The following UNCX variants were observed in gnomAD, a reference collection of about 807,000 sequenced individuals.
UNCX encodes homeobox protein unc-4 homolog.
In UNCX, 4 loss-of-function variants were observed where a neutral mutation model predicts 14.8. That is an observed-to-expected ratio of 0.27 (90% CI 0.13 to 0.62). The LOEUF (loss-of-function observed/expected upper bound fraction) is 0.62, where lower values mean the gene tolerates loss of function less well. Ranked by LOEUF, UNCX falls within the 20% of genes least tolerant of loss-of-function variation. The pLI is 0.86. For synonymous variants in UNCX, 459 were observed against 395.8 expected (o/e 1.16, Z -1.90); for missense variants, 749 against 786.8 (o/e 0.95, Z 0.58).
Position 1,237,160 on chromosome 7 carries a change from G to C in UNCX, c.*183G>C, listed in dbSNP as rs1169926420. The stretch of plus-strand genomic sequence containing the variant: ...TGCTGTATGAATTCGGACCCAGGCA[G>C]CAACCACAGGACTGGGGGTGAGACC... On this transcript the variant is annotated 3_prime_UTR_variant, in exon 3 of 3. Transcript: ENST00000316333. This position sits in a 1 kb window ranked among gnomAD's most constrained non-coding sequence, Gnocchi z 5.8. 2.3e-6 allele frequency: 1 copy of C among 435,926 alleles called. No homozygotes were observed. The highest frequency in any genetic ancestry group is 2.1e-5 in the African/African-American group (1 of 46,998). The allele number at this position is 435,926 out of a possible 1,614,324, so 27.0% of individuals were successfully genotyped here. A position where few individuals can be genotyped will look rare whatever the true frequency, so the allele number is the denominator to read the frequency against.
chr7:1,237,108 A>AT lies in UNCX; in HGVS notation c.*133dup. ...TCTTTTCTTTTGTTTTCTTTCTTTT[A>AT]TTATTTTTTTTAAGAGTAAACGAAA... On this transcript the variant is annotated 3_prime_UTR_variant, in exon 3 of 3. Transcript: ENST00000316333. This position sits in a 1 kb window ranked among gnomAD's most constrained non-coding sequence, Gnocchi z 5.8. The AT allele has an allele frequency of 1.1e-6, 1 of 888,174 alleles. No individual in the cohort carries two copies. Among genetic ancestry groups the AT allele is most frequent in the African/African-American group, 1.8e-5 (1 of 55,484 alleles). The allele number at this position is 888,174 out of a possible 1,614,324, so 55.0% of individuals were successfully genotyped here.
rs1318376866 is a variant in UNCX, at chr7:1,236,434, C to T, written c.1053C>T (p.Ala351=). 2 of 1,355,438 alleles carry T rather than the reference C, an allele frequency of 1.5e-6. No homozygotes were observed. Among genetic ancestry groups the T allele is most frequent in the Non-Finnish European group, 1.9e-6 (2 of 1,053,322 alleles). The allele number at this position is 1,355,438 out of a possible 1,614,324, so 84.0% of individuals were successfully genotyped here. A position where few individuals can be genotyped will look rare whatever the true frequency, so the allele number is the denominator to read the frequency against. The change falls in exon 3 of 3, where the codon GCC becomes GCT. Residue 351 remains alanine (A), a synonymous_variant. Coordinates refer to ENST00000316333, the MANE Select transcript of UNCX (RefSeq NM_001080461.3). The surrounding 1 kb of genome is among the most constrained non-coding windows in gnomAD (Gnocchi z 6.9). ...SPPRRKAASN[A]AAAAAAGLDF... Reference sequence around the variant, plus strand: ...CGCGCCGGAAAGCCGCTTCCAACGCCGCCGCCGCCGCCGCCGCGGGGCTGG... The same window carrying T: ...CGCGCCGGAAAGCCGCTTCCAACGCTGCCGCCGCCGCCGCCGCGGGGCTGG...
chr7:1,236,200 C>A lies in UNCX; in HGVS notation c.819C>A (p.Gly273=), dbSNP rs774643621. ...GAAGTAPAPP[G]EPPAPGTCDP... is the part of the protein sequence containing the mutation. Reference sequence around the variant, plus strand: ...CGGGGACCGCGCCCGCCCCTCCCGGCGAGCCGCCTGCACCCGGCACCTGCG... The same window carrying A: ...CGGGGACCGCGCCCGCCCCTCCCGGAGAGCCGCCTGCACCCGGCACCTGCG... The change falls in exon 3 of 3, where the codon GGC becomes GGA. Residue 273 remains glycine (G), a synonymous_variant. Transcript: ENST00000316333. This position sits in a 1 kb window ranked among gnomAD's most constrained non-coding sequence, Gnocchi z 6.9. 173 of 1,311,344 alleles carry A rather than the reference C, an allele frequency of 1.3e-4. No homozygotes were observed. Among genetic ancestry groups the A allele is most frequent in the Non-Finnish European group, 1.6e-4 (163 of 1,018,474 alleles). The allele number at this position is 1,311,344 out of a possible 1,614,324, so 81.2% of individuals were successfully genotyped here.
At chr7:1,234,956 G>A (rs1778711139) in intron 2 of UNCX, among the ~76,000 whole-genome samples, 4 of 152,126 alleles carry the variant, frequency 2.6e-5, no homozygotes, top group Admixed American at 2.6e-4. Flanking sequence ...GAGCTTCCGC[G>A]GGGCTCAGAC....
In UNCX at chr7:1,233,351, G is replaced by T; in HGVS notation, c.274+60G>T. The T allele has an allele frequency of 7.5e-7, 1 of 1,338,282 alleles. No homozygotes were observed. Among genetic ancestry groups the T allele is most frequent in the Non-Finnish European group, 9.5e-7 (1 of 1,051,824 alleles). 82.9% of individuals were successfully genotyped at this position (1,338,282 alleles called of 1,614,324 possible). On this transcript the variant is annotated intron_variant, in intron 1 of 2. Transcript: ENST00000316333. The surrounding 1 kb of genome is among the most constrained non-coding windows in gnomAD (Gnocchi z 5.3). ...CGGCTGGGGGCGGGGGCCCTGGTCC[G>T]GCCGAGGCGCTGGGGGGCCCGGGGC...
In UNCX at chr7:1,236,045, C is replaced by T. The variant is rs775651723; in HGVS notation, c.664C>T (p.Pro222Ser). ...GAGCCAGGGCCGCCACTTGCACTCG[C>T]CCGGCGGCCTGTCCCTGCACAGCGC... ...LKSQGRHLHS[P>S]GGLSLHSAPS... Residue 222 changes from proline to serine, a missense_variant, in exon 3 of 3, where the codon CCC (proline) becomes TCC (serine). Physicochemically the swap from Pro to Ser is moderately conservative, Grantham distance 74. Transcript: ENST00000316333. This position sits in a 1 kb window ranked among gnomAD's most constrained non-coding sequence, Gnocchi z 6.9. The T allele has an allele frequency of 9.4e-6, 15 of 1,602,768 alleles. No individual in the cohort carries two copies. Among genetic ancestry groups the T allele is most frequent in the South Asian group, 6.7e-5 (6 of 89,876 alleles).
chr7:1,236,071 G>A lies in UNCX; in HGVS notation c.690G>A (p.Ala230=). The part of the protein sequence containing the change: ...HSPGGLSLHS[A]PSSDSDSGGG... ...CCGGCGGCCTGTCCCTGCACAGCGC[G>A]CCCAGCTCCGACAGCGACAGCGGCG... The change falls in exon 3 of 3, where the codon GCG becomes GCA. Residue 230 remains alanine, a synonymous_variant. Coordinates refer to ENST00000316333, the MANE Select transcript of UNCX (RefSeq NM_001080461.3). This position sits in a 1 kb window ranked among gnomAD's most constrained non-coding sequence, Gnocchi z 6.9. 4 of 1,579,328 alleles carry A rather than the reference G, an allele frequency of 2.5e-6. No individual in the cohort carries two copies. The highest frequency in any genetic ancestry group is 1.1e-5 in the South Asian group (1 of 87,190).
chr7:1,236,974 C>T lies in UNCX; in HGVS notation c.1593C>T (p.Asp531=). The part of the protein sequence containing the change: ...SPPEGEELDM[D] ...CGGAGGGCGAGGAGCTGGACATGGA[C>T]TGAGGCCGCGGCGGCCGGGAGAGGC... The change falls in exon 3 of 3, where the codon GAC becomes GAT. Residue 531 remains aspartate (D), a synonymous_variant. Transcript: ENST00000316333. The surrounding 1 kb of genome is among the most constrained non-coding windows in gnomAD (Gnocchi z 6.9). 3.4e-6 allele frequency: 4 copies of T among 1,190,168 alleles called. No homozygotes were observed. Among genetic ancestry groups the T allele is most frequent in the Non-Finnish European group, 4.2e-6 (4 of 960,492 alleles). The allele number at this position is 1,190,168 out of a possible 1,614,324, so 73.7% of individuals were successfully genotyped here.
In UNCX at chr7:1,233,243, C is replaced by A. The variant is rs779228105; in HGVS notation, c.226C>A (p.Pro76Thr). ...GGTGGTCAACCCCACGCCGCTGCTG[C>A]CAGCCGCCTGCGGGGTCGGCGGGGA... is the stretch of plus-strand genomic sequence containing the variant. ...ASVVNPTPLL[P>T]AACGVGGDGQ... The change falls in exon 1 of 3, where the codon CCA becomes ACA. Residue 76 changes from proline to threonine, a missense_variant. Coordinates refer to ENST00000316333, the MANE Select transcript of UNCX (RefSeq NM_001080461.3). The surrounding 1 kb of genome is among the most constrained non-coding windows in gnomAD (Gnocchi z 5.3). 64 of 1,377,112 alleles carry A rather than the reference C, an allele frequency of 4.6e-5. No homozygotes were observed. The highest frequency in any genetic ancestry group is 5.6e-5 in the Non-Finnish European group (60 of 1,071,206). The allele number at this position is 1,377,112 out of a possible 1,614,324, so 85.3% of individuals were successfully genotyped here.
chr7:1,236,795 G>A lies in UNCX; in HGVS notation c.1414G>A (p.Gly472Ser). 2.0e-6 allele frequency: 2 copies of A among 986,920 alleles called. No homozygotes were observed. The highest frequency in any genetic ancestry group is 1.2e-6 in the Non-Finnish European group (1 of 832,544). The allele number at this position is 986,920 out of a possible 1,614,324, so 61.1% of individuals were successfully genotyped here. ...DLASAAATEG[G>S]GGDCADAGTA... ...CGCCTCGGCAGCGGCTACCGAGGGC[G>A]GCGGCGGGGACTGCGCGGACGCGGG... Residue 472 changes from glycine to serine, a missense_variant, in exon 3 of 3, where the codon GGC becomes AGC. Physicochemically the swap from Gly to Ser is moderately conservative, Grantham distance 56. This residue lies in a region of UNCX where 552 missense variants were observed against 507.2 expected (regional missense o/e 1.09). Transcript: ENST00000316333. This position sits in a 1 kb window ranked among gnomAD's most constrained non-coding sequence, Gnocchi z 6.9.
chr7:1,236,981 C>T lies in UNCX; in HGVS notation c.*4C>T. 1 of 1,189,960 alleles carries T rather than the reference C, an allele frequency of 8.4e-7. No individual in the cohort carries two copies. The highest frequency in any genetic ancestry group is 1.0e-6 in the Non-Finnish European group (1 of 960,454). 73.7% of individuals were successfully genotyped at this position (1,189,960 alleles called of 1,614,324 possible). ...CGAGGAGCTGGACATGGACTGAGGC[C>T]GCGGCGGCCGGGAGAGGCGCGTAGC... On this transcript the variant is annotated 3_prime_UTR_variant, in exon 3 of 3. Coordinates refer to ENST00000316333, the MANE Select transcript of UNCX (RefSeq NM_001080461.3). The surrounding 1 kb of genome is among the most constrained non-coding windows in gnomAD (Gnocchi z 6.9).
rs967557023 is a variant in UNCX, at chr7:1,232,921, T to TCCG, written c.-85_-83dup. ...ATGTGTGGGGCTCCGGGTCCCTGTC[T>TCCG]CCGCCGCCGCCGCCCGCGCCTCCCG... On this transcript the variant is annotated 5_prime_UTR_variant, in exon 1 of 3. Transcript: ENST00000316333. 11 of 630,826 alleles carry TCCG rather than the reference T, an allele frequency of 1.7e-5. No homozygotes were observed. Among genetic ancestry groups the TCCG allele is most frequent in the East Asian group, 1.4e-4 (1 of 7,140 alleles). 39.1% of individuals were successfully genotyped at this position (630,826 alleles called of 1,614,324 possible).
chr7:1,236,962 G>C lies in UNCX; in HGVS notation c.1581G>C (p.Glu527Asp). ...GACCCAGCCCGCCGGAGGGCGAGGAGCTGGACATGGACTGAGGCCGCGGCG... is the reference window on the plus strand; with the variant it reads ...GACCCAGCCCGCCGGAGGGCGAGGACCTGGACATGGACTGAGGCCGCGGCG... ...AAGPSPPEGE[E>D]LDMD Residue 527 changes from glutamate to aspartate, a missense_variant, in exon 3 of 3, where the codon GAG becomes GAC. Physicochemically the swap from Glu to Asp is conservative, Grantham distance 45. This residue lies in a region of UNCX where 552 missense variants were observed against 507.2 expected (regional missense o/e 1.09). Transcript: ENST00000316333. The surrounding 1 kb of genome is among the most constrained non-coding windows in gnomAD (Gnocchi z 6.9). 8.3e-7 allele frequency: 1 copy of C among 1,199,286 alleles called. No homozygotes were observed. Among genetic ancestry groups the C allele is most frequent in the Non-Finnish European group, 1.0e-6 (1 of 966,718 alleles). The allele number at this position is 1,199,286 out of a possible 1,614,324, so 74.3% of individuals were successfully genotyped here. A position where few individuals can be genotyped will look rare whatever the true frequency, so the allele number is the denominator to read the frequency against.
In UNCX at chr7:1,236,389, C is replaced by G. The variant is rs1321388195; in HGVS notation, c.1008C>G (p.Ser336Arg). 6.8e-5 allele frequency: 93 copies of G among 1,369,828 alleles called. 1 individual carries two copies. The highest frequency in any genetic ancestry group is 8.2e-5 in the Non-Finnish European group (87 of 1,058,952). The allele number at this position is 1,369,828 out of a possible 1,614,324, so 84.9% of individuals were successfully genotyped here. ...AGGCCAGCCCATTCAGCGTGGAGAG[C>G]CTCCTGTCCGACTCGCCGCCGCGCC... ...LPKASPFSVE[S>R]LLSDSPPRRK... is the part of the protein sequence containing the mutation. Residue 336 changes from serine to arginine, a missense_variant, in exon 3 of 3, where the codon AGC becomes AGG. Physicochemically the swap from Ser to Arg is moderately radical, Grantham distance 110. Transcript: ENST00000316333. The surrounding 1 kb of genome is among the most constrained non-coding windows in gnomAD (Gnocchi z 6.9).
In UNCX at chr7:1,232,967, C is replaced by A; in HGVS notation, c.-51C>A. 1 of 970,710 alleles carries A rather than the reference C, an allele frequency of 1.0e-6. No homozygotes were observed. Among genetic ancestry groups the A allele is most frequent in the Non-Finnish European group, 1.2e-6 (1 of 809,936 alleles). The allele number at this position is 970,710 out of a possible 1,614,324, so 60.1% of individuals were successfully genotyped here. ...TCCCGCCGCTGGCCCGCCCCGGCCCCGGCCCGCGCCCCCGCGCCCCGCCAC... is the reference window on the plus strand; with the variant it reads ...TCCCGCCGCTGGCCCGCCCCGGCCCAGGCCCGCGCCCCCGCGCCCCGCCAC... On this transcript the variant is annotated 5_prime_UTR_variant, in exon 1 of 3. Coordinates refer to ENST00000316333, the MANE Select transcript of UNCX (RefSeq NM_001080461.3).
Position 1,233,687 on chromosome 7 carries a change from C to T in UNCX, c.442C>T (p.Arg148Ter). 1 of 1,600,316 alleles carries T rather than the reference C, an allele frequency of 6.2e-7. No individual in the cohort carries two copies. Among genetic ancestry groups the T allele is most frequent in the Non-Finnish European group, 8.5e-7 (1 of 1,173,108 alleles). ...LALRLDLVES[R>*]VQVWFQNRRA... is the part of the protein sequence containing the mutation. ...GCTGCGCCTAGACCTGGTCGAGTCCCGAGTTCAGGTAAAGACCCGGCGTCG... is the reference window on the plus strand; with the variant it reads ...GCTGCGCCTAGACCTGGTCGAGTCCTGAGTTCAGGTAAAGACCCGGCGTCG... Residue 148 changes from arginine (R) to a stop codon, truncating the protein, a stop_gained, in exon 2 of 3, where the codon CGA becomes TGA. Transcript: ENST00000316333. LOFTEE classifies it low-confidence loss of function (END_TRUNC). The surrounding 1 kb of genome is among the most constrained non-coding windows in gnomAD (Gnocchi z 5.3).
chr7:1,236,325 C>A lies in UNCX; in HGVS notation c.944C>A (p.Ala315Asp). Residue 315 changes from alanine to aspartate, a missense_variant, in exon 3 of 3, where the codon GCT becomes GAT. Physicochemically the swap from Ala to Asp is moderately radical, Grantham distance 126. Around this residue, in one of 3 missense-constraint regions of UNCX, gnomAD observed 552 missense variants for 507.2 expected, o/e 1.09. Coordinates refer to ENST00000316333, the MANE Select transcript of UNCX (RefSeq NM_001080461.3). This position sits in a 1 kb window ranked among gnomAD's most constrained non-coding sequence, Gnocchi z 6.9. ...KDAASCGPGA[A>D]VAAVERGAAG... is the part of the protein sequence containing the mutation. The stretch of plus-strand genomic sequence containing the variant: ...GCGGCCTCGTGCGGGCCAGGGGCCG[C>A]TGTGGCGGCGGTGGAGCGCGGCGCC... The A allele has an allele frequency of 7.7e-7, 1 of 1,299,024 alleles. No individual in the cohort carries two copies. 80.5% of individuals were successfully genotyped at this position (1,299,024 alleles called of 1,614,324 possible). A position where few individuals can be genotyped will look rare whatever the true frequency, so the allele number is the denominator to read the frequency against.
intron 2 of UNCX, among the ~76,000 whole-genome samples, chr7:1,234,499 T>C (rs942282549): frequency 9.2e-5 from 14 of 151,882 alleles, no homozygotes; most frequent in Non-Finnish European, 2.1e-4. Flanking sequence ...GGTCCAGGTC[T>C]GTGGTGCGGT....
rs2128272893 is a variant in UNCX, at chr7:1,236,354, G to A, written c.973G>A (p.Gly325Arg). The change falls in exon 3 of 3, where the codon GGG becomes AGG. Residue 325 changes from glycine (G) to arginine (R), a missense_variant. By Grantham distance (125) the Gly-to-Arg change is moderately radical. Coordinates refer to ENST00000316333, the MANE Select transcript of UNCX (RefSeq NM_001080461.3). This position sits in a 1 kb window ranked among gnomAD's most constrained non-coding sequence, Gnocchi z 6.9. ...AVAAVERGAA[G>R]LPKASPFSVE... The stretch of plus-strand genomic sequence containing the variant: ...GGCGGCGGTGGAGCGCGGCGCCGCG[G>A]GGCTGCCCAAGGCCAGCCCATTCAG... The A allele has an allele frequency of 3.0e-6, 4 of 1,320,316 alleles. No individual in the cohort carries two copies. The highest frequency in any genetic ancestry group is 3.6e-5 in the Admixed American group (1 of 27,754). The allele number at this position is 1,320,316 out of a possible 1,614,324, so 81.8% of individuals were successfully genotyped here. A position where few individuals can be genotyped will look rare whatever the true frequency, so the allele number is the denominator to read the frequency against.
Sources: gnomAD v4.1 joint callset for allele counts (sites outside exome capture counted in the v4.1 genomes callset) on GRCh38, gnomAD v4.1.1 for gene constraint, gnomAD v4.1.1 regional missense constraint, Gnocchi (gnomAD v3.1) non-coding constraint, MANE v1.5 for transcripts, NCBI Gene and HGNC (gene_info 2026-07-23, HGNC 2026-07-21) for gene names.